CDH17: variants seen among roughly 807,000 people sequenced by gnomAD.
The protein encoded by CDH17 is cadherin 17, also known as cadherin-17.
CDH17 carries 67 observed loss-of-function variants against 86.3 expected under a neutral mutation model. The ratio of observed to expected loss-of-function variants is 0.78; its 90% CI spans 0.64 to 0.95. The LOEUF is 0.95. Among genes scored for constraint, CDH17 ranks in the 40% least tolerant of loss-of-function variants. The pLI is 0.00. For missense variants in CDH17, 993 were observed against 1,017.6 expected (o/e 0.98, Z 0.33); for synonymous variants, 367 against 366.4 (o/e 1.00, Z -0.02).
At chr8:94,187,063 C>T (rs900664767) in intron 3 of CDH17, among the ~76,000 whole-genome samples, 2 of 152,192 alleles carry the variant, frequency 1.3e-5, no homozygotes, top group African/African-American at 4.8e-5. Flanking sequence ...TCAATGAAAC[C>T]TCTTCTGTTC....
At chr8:94,191,688 A>G (rs1254904026) in intron 2 of CDH17, among the ~76,000 whole-genome samples, 1 of 152,130 alleles carries the variant, frequency 6.6e-6, no homozygotes, top group African/African-American at 2.4e-5. Flanking sequence ...TCCTGACCTC[A>G]GGTGATCCAC....
At chr8:94,165,533 A>T (rs547819195) in intron 10 of CDH17, among the ~76,000 whole-genome samples, 35 of 152,210 alleles carry the variant, frequency 2.3e-4, no homozygotes, top group Non-Finnish European at 4.6e-4. Context: ...TCCTTTTGGC[A>T]TCTGCTTCCC....
At chr8:94,137,962 G>T (rs1341039893) in intron 15 of CDH17, among the ~76,000 whole-genome samples, 2 of 152,118 alleles carry the variant, frequency 1.3e-5, no homozygotes, top group Non-Finnish European at 2.9e-5. Flanking sequence ...TCTGCTGCTT[G>T]TTAGCTATGT....
intron 9 of CDH17, among the ~76,000 whole-genome samples, chr8:94,168,735 C>T (rs1813214004): frequency 6.6e-6 from 1 of 152,122 alleles, no homozygotes; most frequent in African/African-American, 2.4e-5. Context: ...CAGCACTATC[C>T]TCTTCCCAGA....
chr8:94,145,770 C>T (rs1490048685), intron 15 of CDH17, among the ~76,000 whole-genome samples, 158 bp downstream of exon 15: 1 of 152,126 alleles, frequency 6.6e-6, no homozygotes, highest in Admixed American at 6.5e-5. Flanking sequence ...GGCTTTTTCC[C>T]CTCTGGAGTC....
intron 2 of CDH17, among the ~76,000 whole-genome samples, chr8:94,191,461 T>A (rs1813688343): frequency 6.6e-6 from 1 of 151,550 alleles, no homozygotes; most frequent in Non-Finnish European, 1.5e-5. Flanking sequence ...TTTTTTTTTT[T>A]TTTTTTTGAG....
chr8:94,200,959 A>G (rs1813900232), intron 1 of CDH17, among the ~76,000 whole-genome samples: 1 of 152,206 alleles, frequency 6.6e-6, no homozygotes. Flanking sequence ...TCAAACGATG[A>G]AGACCACAGA....
intron 1 of CDH17, among the ~76,000 whole-genome samples, chr8:94,200,937 T>A (rs1387149576): frequency 6.6e-6 from 1 of 152,078 alleles, no homozygotes; most frequent in African/African-American, 2.4e-5. Context: ...CTCTTAAAGA[T>A]GAAATGAAAA....
intron 11 of CDH17, 80 bp from the exon 12 acceptor site, chr8:94,160,242 C>T (rs1586250528): frequency 1.9e-6 from 2 of 1,073,738 alleles, no homozygotes; most frequent in Middle Eastern, 4.2e-4. Flanking sequence ...TCTCTGGTTT[C>T]AGAATAGACA....
chr8:94,194,992 G>T (rs564640238), intron 1 of CDH17, among the ~76,000 whole-genome samples: 17 of 152,238 alleles, frequency 1.1e-4, no homozygotes, highest in Admixed American at 9.2e-4. Flanking sequence ...TAAATGATGG[G>T]CAATGAGTGT....
At chr8:94,167,223 A>C (rs1813174494) in intron 9 of CDH17, among the ~76,000 whole-genome samples, 1 of 152,048 alleles carries the variant, frequency 6.6e-6, no homozygotes, top group Non-Finnish European at 1.5e-5. Context: ...AGTTCTACAA[A>C]CCAGTGGCTA....
intron 17 of CDH17, among the ~76,000 whole-genome samples, chr8:94,129,481 G>GT (rs1812368503): frequency 1.3e-5 from 2 of 152,048 alleles, no homozygotes; most frequent in African/African-American, 4.8e-5. Flanking sequence ...ATGAATCAGA[G>GT]TCCAGTGTGA....
At chr8:94,171,099 G>T in intron 7 of CDH17, 114 bp from the exon 8 acceptor site, 1 of 1,113,826 alleles carries the variant, frequency 9.0e-7, no homozygotes, top group South Asian at 1.9e-5. Flanking sequence ...TATGTTTGTG[G>T]TTTCTTGTAA....
At position 94,162,069 on chromosome 8, in the gene CDH17, T is replaced by C. The variant is rs1171096996; in HGVS notation, c.1359+17A>G. On this transcript the variant is annotated intron_variant, in intron 11 of 17. Coordinates refer to ENST00000027335, the MANE Select transcript of CDH17 (RefSeq NM_004063.4). ...ATGAATAAAGTAAAGAAAAAACAAA[T>C]AATGACAACTACTCACATCTGATTT... 1 of 1,433,590 alleles carries C rather than the reference T, an allele frequency of 7.0e-7. No homozygotes were observed. Among genetic ancestry groups the C allele is most frequent in the Non-Finnish European group, 9.8e-7 (1 of 1,018,452 alleles). The allele number at this position is 1,433,590 out of a possible 1,614,324, so 88.8% of individuals were successfully genotyped here.
rs540737601 is a variant in CDH17, at chr8:94,153,825, C to A, written c.1552-1713G>T. Among the ~76,000 whole-genome samples the A allele has an allele frequency of 1.2e-4, 19 of 152,220 alleles. 1 individual carries two copies. The highest frequency in any genetic ancestry group is 9.8e-4 in the Admixed American group (15 of 15,292). ...AAAAGACAAATACCACATGTTCTCA[C>A]TTGTATGTGGAATCTAAAGGTGTTG... On this transcript the variant is annotated intron_variant, in intron 12 of 17. Transcript: ENST00000027335.
intron 12 of CDH17, among the ~76,000 whole-genome samples, chr8:94,154,260 A>G (rs1335396350): frequency 1.3e-5 from 2 of 152,220 alleles, no homozygotes; most frequent in African/African-American, 2.4e-5. Context: ...AGGTCTTACC[A>G]GAGCTTGCAC....
At chr8:94,136,025 T>C (rs1280603654) in intron 15 of CDH17, among the ~76,000 whole-genome samples, 4 of 152,236 alleles carry the variant, frequency 2.6e-5, no homozygotes, top group African/African-American at 9.7e-5. Context: ...AGAGATCCAC[T>C]GTTAGTCTGA....
chr8:94,201,260 G>T (rs1813906398), intron 1 of CDH17, among the ~76,000 whole-genome samples: 1 of 152,052 alleles, frequency 6.6e-6, no homozygotes, highest in African/African-American at 2.4e-5. Flanking sequence ...TTCACCTTAG[G>T]AATCTTCCCT....
At chr8:94,170,596 G>C in intron 8 of CDH17, 49 bp from the exon 9 acceptor site, 1 of 1,568,814 alleles carries the variant, frequency 6.4e-7, no homozygotes, top group South Asian at 1.2e-5. Context: ...ACCACCCTCT[G>C]TCAAAAGCAG....
Sources: gnomAD v4.1 joint callset for allele counts (sites outside exome capture counted in the v4.1 genomes callset) on GRCh38, gnomAD v4.1.1 for gene constraint, MANE v1.5 for transcripts, NCBI Gene and HGNC (gene_info 2026-07-23, HGNC 2026-07-21) for gene names.